ZNF329: variants seen among roughly 807,000 people sequenced by gnomAD.
The protein encoded by ZNF329 is zinc finger protein 329.
A neutral mutation model predicts 26.6 loss-of-function variants in ZNF329; 15 were observed. The ratio of observed to expected loss-of-function variants is 0.56; its 90% CI spans 0.38 to 0.87. ZNF329 has a LOEUF of 0.87. Among genes scored for constraint, ZNF329 ranks in the 40% least tolerant of loss-of-function variants. The pLI is 0.00. For synonymous variants in ZNF329, 239 were observed against 233.5 expected (o/e 1.02, Z -0.21); for missense variants, 651 against 651.9 (o/e 1.00, Z 0.02).
At chr19:58,131,708 C>T (rs1197925944) in intron 3 of ZNF329, among the ~76,000 whole-genome samples, 3 of 152,038 alleles carry the variant, frequency 2.0e-5, no homozygotes, top group African/African-American at 7.2e-5. Flanking sequence ...AAGAGCACTT[C>T]GTGAAGGGAA....
chr19:58,153,826 G>A (rs539537155), upstream of ZNF329, among the ~76,000 whole-genome samples: 36 of 151,624 alleles, frequency 2.4e-4, no homozygotes, highest in Non-Finnish European at 3.8e-4. Context: ...CTCCCATCTC[G>A]ACCTCCCCAG....
At chr19:58,137,809 C>CAAAAAAAAAAAAAAAAAAA (rs72295173) in intron 3 of ZNF329, among the ~76,000 whole-genome samples, 5 of 76,262 alleles carry the variant, frequency 6.6e-5, no homozygotes, top group Admixed American at 1.7e-4. Flanking sequence ...ACAAAAAATA[C>CAAAAAAAAAAAAAAAAAAA]AAAAAAAAAA....
intron 3 of ZNF329, among the ~76,000 whole-genome samples, chr19:58,130,148 C>T (rs1218701259): frequency 2.6e-5 from 4 of 151,902 alleles, no homozygotes; most frequent in Non-Finnish European, 5.9e-5. Context: ...GGTGAAACAC[C>T]GTCTCTACTA....
At position 58,142,190 on chromosome 19, in the gene ZNF329, G is replaced by A. The variant is rs550249552; in HGVS notation, c.-9+367C>T. Among the ~76,000 whole-genome samples the A allele has an allele frequency of 5.9e-5, 9 of 152,264 alleles. No homozygotes were observed. The South Asian group carries it at 1.7e-3, about 28-fold the overall frequency. ...ATGTCCATAACAGGCAAATCTATAA[G>A]ACAGAAAGTAGATTAGAGATTACCT... On this transcript the variant is annotated intron_variant, in intron 3 of 3. Coordinates refer to ENST00000598312, the MANE Select transcript of ZNF329 (RefSeq NM_024620.4).
chr19:58,139,893 G>A (rs1285033145), intron 3 of ZNF329, among the ~76,000 whole-genome samples: 1 of 152,108 alleles, frequency 6.6e-6, no homozygotes, highest in Non-Finnish European at 1.5e-5. Flanking sequence ...ACAAGTATTG[G>A]CAAGGATATG....
intron 3 of ZNF329, among the ~76,000 whole-genome samples, chr19:58,131,502 C>A (rs2074943055): frequency 6.6e-6 from 1 of 152,036 alleles, no homozygotes; most frequent in Admixed American, 6.6e-5. Flanking sequence ...ATAAAAGACA[C>A]AATAAGAGAC....
intron 1 of ZNF329, among the ~76,000 whole-genome samples, chr19:58,147,529 C>A (rs2075346616): frequency 6.8e-6 from 1 of 146,972 alleles, no homozygotes; most frequent in South Asian, 2.1e-4. Flanking sequence ...GCCAGCCGCC[C>A]CGCCCGGGAG....
intron 1 of ZNF329, among the ~76,000 whole-genome samples, chr19:58,147,315 C>T (rs2075338440): frequency 6.6e-6 from 1 of 151,220 alleles, no homozygotes; most frequent in African/African-American, 2.4e-5. Context: ...CTCCGCCAGG[C>T]AGCCGCCCCG....
At chr19:58,151,081 A>G (rs1600106353), upstream of ZNF329, among the ~76,000 whole-genome samples, 1 of 152,116 alleles carries the variant, frequency 6.6e-6, no homozygotes, top group African/African-American at 2.4e-5. Flanking sequence ...GAATAAGTAC[A>G]CTCATTATTC....
At chr19:58,138,651 G>A (rs898410173) in intron 3 of ZNF329, among the ~76,000 whole-genome samples, 1 of 152,184 alleles carries the variant, frequency 6.6e-6, no homozygotes, top group East Asian at 1.9e-4. Flanking sequence ...CAAGGGACTT[G>A]AAAGCACCTC....
chr19:58,130,711 G>A (rs1261269092), intron 3 of ZNF329, among the ~76,000 whole-genome samples: 2 of 148,522 alleles, frequency 1.3e-5, no homozygotes, highest in South Asian at 2.1e-4. Context: ...CATGTACAAA[G>A]CAGTCTCCAA....
rs146364727 is a variant in ZNF329 at position 58,133,723 on chromosome 19, G to C, written c.-8-4212C>G. The stretch of plus-strand genomic sequence containing the variant: ...GATGAATATGATGAATGTGGGCTAG[G>C]TGTGGTGACTCACACCTGTAATCCC... On this transcript the variant is annotated intron_variant, in intron 3 of 3. Coordinates refer to ENST00000598312, the MANE Select transcript of ZNF329 (RefSeq NM_024620.4). Among the ~76,000 whole-genome samples the C allele has an allele frequency of 2.4e-4, 37 of 152,102 alleles. No homozygotes were observed. The East Asian group carries it at 5.8e-3, about 24-fold the overall frequency.
chr19:58,134,624 C>G (rs1322557491), intron 3 of ZNF329, among the ~76,000 whole-genome samples: 1 of 152,126 alleles, frequency 6.6e-6, no homozygotes, highest in East Asian at 1.9e-4. Flanking sequence ...GGCAATGTAA[C>G]AGTAACAACA....
rs1297929909 is a variant in ZNF329 at position 58,135,757 on chromosome 19, G to C, written c.-8-6246C>G. Reference sequence around the variant, plus strand: ...TAACACTGACTAGGTCAAAGAAAAAGTTCAACAAAGCCCAGACTACAGCCT... The same window carrying C: ...TAACACTGACTAGGTCAAAGAAAAACTTCAACAAAGCCCAGACTACAGCCT... On this transcript the variant is annotated intron_variant, in intron 3 of 3. Transcript: ENST00000598312. Among the ~76,000 whole-genome samples, 4 of 152,260 alleles carry C rather than the reference G, an allele frequency of 2.6e-5. No homozygotes were observed. In the East Asian group the frequency reaches 7.7e-4, roughly 29 times the overall value.
upstream of ZNF329, among the ~76,000 whole-genome samples, chr19:58,151,601 CAAAAAAA>C (rs555824584): frequency 1.4e-5 from 1 of 70,936 alleles, no homozygotes; most frequent in Admixed American, 1.3e-4. Flanking sequence ...GACTTCGTCT[CAAAAAAA>C]AAAAAAAAAA....
rs780893633 is a variant in ZNF329, at chr19:58,128,100, G to A, written c.1404C>T (p.Ser468=). The part of the protein sequence containing the change: ...NQCGKAFRDS[S]CLTKHQRIHT... ...GAATTCTCTGGTGCTTGGTCAGACA[G>A]GAGCTGTCCCTGAAGGCTTTGCCAC... Residue 468 remains serine, a synonymous_variant, in exon 4 of 4, where the codon TCC becomes TCT. Transcript: ENST00000598312. The A allele has an allele frequency of 1.2e-6, 2 of 1,604,410 alleles. No individual in the cohort carries two copies. The highest frequency in any genetic ancestry group is 2.2e-5 in the South Asian group (2 of 89,686).
At chr19:58,145,162 A>T (rs866474298) in intron 1 of ZNF329, among the ~76,000 whole-genome samples, 17 of 137,558 alleles carry the variant, frequency 1.2e-4, no homozygotes, top group South Asian at 6.5e-4. Flanking sequence ...TTTTTTTTTT[A>T]AATGTTTTGT....
At chr19:58,130,010 G>A (rs930474713) in intron 3 of ZNF329, among the ~76,000 whole-genome samples, 2 of 152,178 alleles carry the variant, frequency 1.3e-5, no homozygotes, top group Non-Finnish European at 2.9e-5. Context: ...AAAGTTCTGG[G>A]TCTAAGTCTT....
rs1222365133 is a variant in ZNF329 at position 58,129,117 on chromosome 19, G to A, written c.387C>T (p.Phe129=). 4 of 1,613,860 alleles carry A rather than the reference G, an allele frequency of 2.5e-6. No individual in the cohort carries two copies. The highest frequency in any genetic ancestry group is 1.6e-4 in the Middle Eastern group (1 of 6,084). Reference sequence around the variant, plus strand: ...CATGAATAACTTCCATGGAATGGTTGAAGCCTTTTCCACAGGCATCACTGT... The same window carrying A: ...CATGAATAACTTCCATGGAATGGTTAAAGCCTTTTCCACAGGCATCACTGT... The part of the protein sequence containing the change: ...TGDSDACGKG[F]NHSMEVIHGR... The change falls in exon 4 of 4, where the codon TTC becomes TTT. Residue 129 remains phenylalanine (F), a synonymous_variant. Transcript: ENST00000598312.
Sources: allele counts gnomAD v4.1 joint callset (sites outside exome capture counted in the v4.1 genomes callset), GRCh38; gene constraint gnomAD v4.1.1; transcripts MANE v1.5; gene names NCBI Gene and HGNC (gene_info 2026-07-23, HGNC 2026-07-21).